The following ANKRD46 variants were observed in gnomAD, a reference collection of about 807,000 sequenced individuals.
ANKRD46 encodes the protein ankyrin repeat domain-containing protein 46.
Under a neutral mutation model 19.8 loss-of-function variants are expected in ANKRD46, and 13 were observed. That is an observed-to-expected ratio of 0.66 (90% CI 0.43 to 1.04). The LOEUF is 1.04. Among genes scored for constraint, ANKRD46 ranks in the 50% least tolerant of loss-of-function variants. The probability of loss-of-function intolerance (pLI) is 0.00; values close to 1 mark genes in which losing one functional copy is unlikely to be tolerated. For missense variants in ANKRD46, 185 were observed against 274.8 expected, an observed-to-expected ratio of 0.67 and a Z score of 2.31; for synonymous variants, 91 against 106.9, an observed-to-expected ratio of 0.85 and a Z score of 0.92.
chr8:100,553,502 T>C (rs1217319827), intron 1 of ANKRD46, among the ~76,000 whole-genome samples: 6 of 152,182 alleles, frequency 3.9e-5, no homozygotes, highest in Non-Finnish European at 8.8e-5. Flanking sequence ...CCTGTAATCC[T>C]AGCACTTTGG....
At chr8:100,517,535 GC>G (rs1811653816), downstream of ANKRD46, among the ~76,000 whole-genome samples, 1 of 152,176 alleles carries the variant, frequency 6.6e-6, no homozygotes, top group South Asian at 2.1e-4. Flanking sequence ...AAGGAGTGTG[GC>G]CAAATCTCTG....
intron 2 of ANKRD46, among the ~76,000 whole-genome samples, chr8:100,530,806 G>T (rs1328973834): frequency 6.6e-6 from 1 of 152,170 alleles, no homozygotes; most frequent in African/African-American, 2.4e-5. Context: ...GTGCTCTGTG[G>T]TTATCTCAAT....
chr8:100,522,225 T>C lies in ANKRD46; in HGVS notation c.*330A>G, dbSNP rs1811738079. 4.6e-6 allele frequency: 5 copies of C among 1,084,770 alleles called. No homozygotes were observed. Among genetic ancestry groups the C allele is most frequent in the Non-Finnish European group, 5.6e-6 (5 of 890,938 alleles). The allele number at this position is 1,084,770 out of a possible 1,614,324, so 67.2% of individuals were successfully genotyped here. ...TACTTCAATTGGTCCTATATTAGGA[T>C]AAGGTTTTGATAGCAAGGACTTCCT... On this transcript the variant is annotated 3_prime_UTR_variant, in exon 5 of 5. Transcript: ENST00000335659.
chr8:100,522,773 T>G lies in ANKRD46; in HGVS notation c.471-2A>C. 2.5e-6 allele frequency: 4 copies of G among 1,612,852 alleles called. No homozygotes were observed. In the East Asian group the frequency reaches 8.9e-5, roughly 36 times the overall value. Reference sequence around the variant, plus strand: ...AGGAGTGAATGGCTTTCCATGGCACTGTGGAAGAAGAAAGAGCAAAAAGGG... The same window carrying G: ...AGGAGTGAATGGCTTTCCATGGCACGGTGGAAGAAGAAAGAGCAAAAAGGG... On this transcript the variant is annotated splice_acceptor_variant, in intron 4 of 4. Transcript: ENST00000335659. LOFTEE classifies it high-confidence loss of function.
chr8:100,516,849 C>T (rs1347336235), downstream of ANKRD46, among the ~76,000 whole-genome samples: 3 of 152,178 alleles, frequency 2.0e-5, no homozygotes, highest in South Asian at 6.2e-4. Context: ...CAGTAGCTTT[C>T]CTTTATAGAT....
chr8:100,522,331 T>G lies in ANKRD46; in HGVS notation c.*224A>C, dbSNP rs1811740367. The G allele has an allele frequency of 7.4e-7, 1 of 1,356,206 alleles. No homozygotes were observed. The highest frequency in any genetic ancestry group is 1.5e-5 in the African/African-American group (1 of 68,476). 84.0% of individuals were successfully genotyped at this position (1,356,206 alleles called of 1,614,324 possible). A position where few individuals can be genotyped will look rare whatever the true frequency, so the allele number is the denominator to read the frequency against. On this transcript the variant is annotated 3_prime_UTR_variant, in exon 5 of 5. Transcript: ENST00000335659. The stretch of plus-strand genomic sequence containing the variant: ...GCTACGTGTAGGCTTTCCTACAAAG[T>G]CAGGTTGAGTCAGAGGTAGCGTTAG...
In ANKRD46 at chr8:100,510,737, G is replaced by T; in HGVS notation, c.637-98C>A. ...GACCAGATACAATCATAAATATATA[G>T]AACCAGAAAGCACAGGCTTGCTTCT... On this transcript the variant is annotated intron_variant, in intron 5 of 5. Coordinates refer to the ANKRD46 transcript ENST00000520552. The surrounding 1 kb of genome is among the most constrained non-coding windows in gnomAD (Gnocchi z 4.9). 9.0e-7 allele frequency: 1 copy of T among 1,105,762 alleles called. No homozygotes were observed. The highest frequency in any genetic ancestry group is 1.3e-6 in the Non-Finnish European group (1 of 792,278). The allele number at this position is 1,105,762 out of a possible 1,614,324, so 68.5% of individuals were successfully genotyped here. A position where few individuals can be genotyped will look rare whatever the true frequency, so the allele number is the denominator to read the frequency against.
At chr8:100,517,152 G>A (rs1811647117), downstream of ANKRD46, among the ~76,000 whole-genome samples, 1 of 152,104 alleles carries the variant, frequency 6.6e-6, no homozygotes. Flanking sequence ...AAAGCAGTTG[G>A]GCTGGGCACT....
intron 1 of ANKRD46, chr8:100,551,400 C>A: frequency 1.6e-6 from 1 of 612,242 alleles, no homozygotes; most frequent in African/African-American, 1.8e-5. Context: ...CCAGCCTTCT[C>A]TATGGTCATG....
intron 4 of ANKRD46, among the ~76,000 whole-genome samples, chr8:100,526,157 A>G (rs1412299817): frequency 6.6e-6 from 1 of 152,216 alleles, no homozygotes; most frequent in African/African-American, 2.4e-5. Context: ...CTGCAGTGAA[A>G]TGGCAGGTAT....
intron 1 of ANKRD46, among the ~76,000 whole-genome samples, chr8:100,558,039 C>T (rs958904538): frequency 6.6e-6 from 1 of 152,190 alleles, no homozygotes; most frequent in African/African-American, 2.4e-5. Context: ...CTCACATCCC[C>T]CAGTGCTTAG....
At position 100,529,469 on chromosome 8, in the gene ANKRD46, T is replaced by C. The variant is rs1811911601; in HGVS notation, c.311+54A>G. 1 of 1,514,924 alleles carries C rather than the reference T, an allele frequency of 6.6e-7. No homozygotes were observed. The highest frequency in any genetic ancestry group is 1.9e-5 in the Admixed American group (1 of 53,928). 93.8% of individuals were successfully genotyped at this position (1,514,924 alleles called of 1,614,324 possible). On this transcript the variant is annotated intron_variant, in intron 3 of 4. Transcript: ENST00000335659. The surrounding 1 kb of genome is among the most constrained non-coding windows in gnomAD (Gnocchi z 5.8). ...AACAGACCCAAGATAAGATTATCAG[T>C]TGAGAGATTAATGGGAAGAAATGAC...
chr8:100,510,336 TC>T lies in ANKRD46; in HGVS notation c.*240del. On this transcript the variant is annotated 3_prime_UTR_variant, in exon 6 of 6. Transcript: ENST00000520552. The surrounding 1 kb of genome is among the most constrained non-coding windows in gnomAD (Gnocchi z 4.9). Reference sequence around the variant, plus strand: ...CGGAGGAGGGGATGGTTCCTGGAGCTCCATCTTGAGGATCTGGGAGGCCAGG... The same window carrying T: ...CGGAGGAGGGGATGGTTCCTGGAGCTCATCTTGAGGATCTGGGAGGCCAGG... The T allele has an allele frequency of 2.4e-6, 1 of 410,786 alleles. No individual in the cohort carries two copies. Among genetic ancestry groups the T allele is most frequent in the Admixed American group, 4.0e-5 (1 of 25,018 alleles). 25.4% of individuals were successfully genotyped at this position (410,786 alleles called of 1,614,324 possible). A position where few individuals can be genotyped will look rare whatever the true frequency, so the allele number is the denominator to read the frequency against.
At position 100,524,549 on chromosome 8, in the gene ANKRD46, G is replaced by C. The variant is rs2130646368; in HGVS notation, c.471-1778C>G. On this transcript the variant is annotated intron_variant, in intron 4 of 4. Coordinates refer to ENST00000335659, the MANE Select transcript of ANKRD46 (RefSeq NM_001270377.2). The surrounding 1 kb of genome is among the most constrained non-coding windows in gnomAD (Gnocchi z 4.3). ...AAACATGTTTATTCTCTGAATAAGA[G>C]ATGATGTTTTCAGTGGGAATCTACA... Among the ~76,000 whole-genome samples, 1 of 151,652 alleles carries C rather than the reference G, an allele frequency of 6.6e-6. No individual in the cohort carries two copies. The highest frequency in any genetic ancestry group is 1.5e-5 in the Non-Finnish European group (1 of 67,936).
Position 100,534,767 on chromosome 8 carries a change from A to AT in ANKRD46, c.-130-1457dup, listed in dbSNP as rs150998523. Among the ~76,000 whole-genome samples, 1 of 152,146 alleles carries AT rather than the reference A, an allele frequency of 6.6e-6. No homozygotes were observed. The highest frequency in any genetic ancestry group is 1.9e-4 in the East Asian group (1 of 5,182). On this transcript the variant is annotated intron_variant, in intron 1 of 4. Transcript: ENST00000335659. The surrounding 1 kb of genome is among the most constrained non-coding windows in gnomAD (Gnocchi z 4.2). ...CCACAAGAAGGACAATGCTTCTGCA[A>AT]TTTTTTCTTTTTTTATTTTTGAGAC...
rs1811713974 is a variant in ANKRD46, at chr8:100,521,040, T to C, written c.*1515A>G. The C allele has an allele frequency of 1.0e-6, 1 of 985,128 alleles. No homozygotes were observed. Among genetic ancestry groups the C allele is most frequent in the South Asian group, 4.7e-5 (1 of 21,282 alleles). The allele number at this position is 985,128 out of a possible 1,614,324, so 61.0% of individuals were successfully genotyped here. On this transcript the variant is annotated 3_prime_UTR_variant, in exon 5 of 5. Transcript: ENST00000335659. ...TTTGCTGGATTTACACCAACTATGA[T>C]TTACTTTGTTTGTATCTAACCTAAA...
At position 100,536,052 on chromosome 8, in the gene ANKRD46, G is replaced by A. The variant is rs1812058952; in HGVS notation, c.-130-2741C>T. 6.6e-6 allele frequency among the ~76,000 whole-genome samples: 1 copy of A among 151,810 alleles called. No individual in the cohort carries two copies. The highest frequency in any genetic ancestry group is 1.5e-5 in the Non-Finnish European group (1 of 67,968). ...TCTCGGTGTCAGGTTATTTATGGAA[G>A]AACCTGTAGGACCAAGCATTTGCAA... On this transcript the variant is annotated intron_variant, in intron 1 of 4. Transcript: ENST00000335659. This position sits in a 1 kb window ranked among gnomAD's most constrained non-coding sequence, Gnocchi z 4.9.
rs1309226859 is a variant in ANKRD46, at chr8:100,532,509, G to A, written c.-28+700C>T. On this transcript the variant is annotated intron_variant, in intron 2 of 4. Transcript: ENST00000335659. The surrounding 1 kb of genome is among the most constrained non-coding windows in gnomAD (Gnocchi z 4.7). ...CCAAACCAAACCAAACCAACAAACAGAAAAACTCAATGAGAAGAATTTACT... is the reference window on the plus strand; with the variant it reads ...CCAAACCAAACCAAACCAACAAACAAAAAAACTCAATGAGAAGAATTTACT... 6.6e-6 allele frequency: 1 copy of A among 151,890 alleles called. No homozygotes were observed. The highest frequency in any genetic ancestry group is 1.5e-5 in the Non-Finnish European group (1 of 67,962). 9.4% of individuals were successfully genotyped at this position (151,890 alleles called of 1,614,324 possible). A position where few individuals can be genotyped will look rare whatever the true frequency, so the allele number is the denominator to read the frequency against.
chr8:100,549,945 G>A (rs1423822473), intron 1 of ANKRD46, among the ~76,000 whole-genome samples: 1 of 152,170 alleles, frequency 6.6e-6, no homozygotes, highest in Non-Finnish European at 1.5e-5. Flanking sequence ...GTATGCAGCT[G>A]TTTCAGATTG....
Sources: gnomAD v4.1 joint callset for allele counts (sites outside exome capture counted in the v4.1 genomes callset) on GRCh38, gnomAD v4.1.1 for gene constraint, Gnocchi (gnomAD v3.1) non-coding constraint, MANE v1.5 for transcripts, NCBI Gene and HGNC (gene_info 2026-07-23, HGNC 2026-07-21) for gene names.